MICAL2: variants seen among roughly 807,000 people sequenced by gnomAD.
The protein encoded by MICAL2 is microtubule associated monooxygenase, calponin and LIM domain containing 2.
Under a neutral mutation model 127.3 loss-of-function variants are expected in MICAL2, and 77 were observed. The observed-to-expected ratio is 0.60, with a 90% CI of 0.50 to 0.73. MICAL2 has a LOEUF of 0.73. Among genes scored for constraint, MICAL2 ranks in the 30% least tolerant of loss-of-function variants. MICAL2 has a pLI of 0.00. For synonymous variants in MICAL2, 570 were observed against 551.1 expected, an observed-to-expected ratio of 1.03 and a Z score of -0.48; for missense variants, 1,351 against 1,434.4, an observed-to-expected ratio of 0.94 and a Z score of 0.94.
intron 11 of MICAL2, 135 bp downstream of exon 11, chr11:12,222,878 G>T (rs1299366710): frequency 1.8e-6 from 2 of 1,128,848 alleles, no homozygotes; most frequent in Non-Finnish European, 1.2e-6. Flanking sequence ...CTAATGGTGG[G>T]ACCAGTTCTT....
chr11:12,292,126 T>C (rs1196803511), downstream of MICAL2: 1 of 1,610,672 alleles, frequency 6.2e-7, no homozygotes, highest in South Asian at 1.1e-5. Flanking sequence ...ATGAAGAGTG[T>C]GTTCTTTCCT....
At chr11:12,194,332 C>A (rs191982613) in intron 3 of MICAL2, among the ~76,000 whole-genome samples, 1 of 152,278 alleles carries the variant, frequency 6.6e-6, no homozygotes, top group East Asian at 1.9e-4. Context: ...GATGGATGTT[C>A]GTTGTTGTGA....
downstream of MICAL2, among the ~76,000 whole-genome samples, chr11:12,292,947 T>A (rs1180319658): frequency 6.6e-6 from 1 of 152,102 alleles, no homozygotes; most frequent in Non-Finnish European, 1.5e-5. Flanking sequence ...AGGGCCAAGT[T>A]CCTGCATGCT....
intron 6 of MICAL2, 88 bp from the exon 7 acceptor site, chr11:12,213,167 C>A: frequency 1.4e-6 from 2 of 1,406,762 alleles, no homozygotes; most frequent in Non-Finnish European, 1.9e-6. Flanking sequence ...GCCTGGGAGG[C>A]ATCTGGGAAC....
In MICAL2 at chr11:12,256,887, C is replaced by T; in HGVS notation, c.3058C>T (p.His1020Tyr). The T allele has an allele frequency of 1.2e-6, 2 of 1,614,222 alleles. No homozygotes were observed. The highest frequency in any genetic ancestry group is 1.1e-5 in the South Asian group (1 of 91,090). ...GATGGAACGGCTGAGCGCCGAGGGC[C>T]ACTTCTTCCACCGGGAGTGTTTCCG... ...YVMERLSAEG[H>Y]FFHRECFRCS... The change falls in exon 24 of 28, where the codon CAC (histidine) becomes TAC (tyrosine). Residue 1020 changes from histidine to tyrosine, a missense_variant. Coordinates refer to ENST00000683283, the MANE Select transcript of MICAL2 (RefSeq NM_001282663.2).
chr11:12,229,342 C>T lies in MICAL2; in HGVS notation c.1995+2211C>T, dbSNP rs79903171. ...GATGAGCTGCACCCAGCCTCTCTCC[C>T]ACTCTGAGCCGGCCCAACCTAGAGG... On this transcript the variant is annotated intron_variant, in intron 15 of 27. Transcript: ENST00000683283. Among the ~76,000 whole-genome samples the T allele has an allele frequency of 3.6e-3, 553 of 152,350 alleles. 6 individuals are homozygous for T. The highest frequency in any genetic ancestry group is 0.031 in the Middle Eastern group (9 of 294).
At chr11:12,299,640 T>C (rs570020913) in intron 29 of MICAL2, among the ~76,000 whole-genome samples, 32 of 152,316 alleles carry the variant, frequency 2.1e-4, no homozygotes, top group African/African-American at 6.7e-4. Flanking sequence ...GAACATGCCC[T>C]GAGAACCTTT....
At chr11:12,300,000 A>G (rs569444119) in intron 29 of MICAL2, among the ~76,000 whole-genome samples, 4 of 152,252 alleles carry the variant, frequency 2.6e-5, no homozygotes, top group Non-Finnish European at 5.9e-5. Context: ...GCTGTGTAGA[A>G]TCTAGTCCTC....
At chr11:12,273,916 C>T (rs1257810752), upstream of MICAL2, among the ~76,000 whole-genome samples, 1 of 151,700 alleles carries the variant, frequency 6.6e-6, no homozygotes, top group Non-Finnish European at 1.5e-5. Context: ...GTGGTGGAGG[C>T]ACAGGCAGGA....
chr11:12,231,490 G>A (rs565631211), intron 15 of MICAL2, among the ~76,000 whole-genome samples: 5 of 152,308 alleles, frequency 3.3e-5, no homozygotes, highest in East Asian at 3.9e-4. Flanking sequence ...CCGAAGAGCC[G>A]GGTGGCATTA....
chr11:12,275,336 C>T (rs1863713836), upstream of MICAL2, among the ~76,000 whole-genome samples: 1 of 152,152 alleles, frequency 6.6e-6, no homozygotes, highest in African/African-American at 2.4e-5. Flanking sequence ...AGATAGAAAT[C>T]TGGGGGTCAT....
At chr11:12,336,403 G>A (rs1029199220) in intron 32 of MICAL2, among the ~76,000 whole-genome samples, 3 of 152,148 alleles carry the variant, frequency 2.0e-5, no homozygotes, top group African/African-American at 7.2e-5. Flanking sequence ...CTGCAAACAG[G>A]GAAATTTGAC....
chr11:12,244,292 A>T (rs774042671), intron 21 of MICAL2, among the ~76,000 whole-genome samples, 180 bp downstream of exon 21: 13 of 152,226 alleles, frequency 8.5e-5, no homozygotes, highest in South Asian at 2.1e-4. Flanking sequence ...ACACGGCAGA[A>T]CAGGCAGTGT....
chr11:12,345,418 GA>G (rs1375915781), intron 32 of MICAL2, among the ~76,000 whole-genome samples: 2 of 152,228 alleles, frequency 1.3e-5, no homozygotes, highest in Admixed American at 1.3e-4. Context: ...CAAAGGCTGA[GA>G]AAGGTCCCTA....
At chr11:12,215,276 G>A (rs1247224672) in intron 7 of MICAL2, among the ~76,000 whole-genome samples, 3 of 152,142 alleles carry the variant, frequency 2.0e-5, no homozygotes, top group South Asian at 4.1e-4. Flanking sequence ...TGACAGTCGC[G>A]ACCTTCCTGA....
intron 31 of MICAL2, among the ~76,000 whole-genome samples, chr11:12,325,136 G>A (rs1864340662): frequency 6.6e-6 from 1 of 152,092 alleles, no homozygotes; most frequent in Admixed American, 6.5e-5. Flanking sequence ...TTGAGACAGA[G>A]TCTTGCTGTG....
intron 14 of MICAL2, 149 bp downstream of exon 14, chr11:12,226,519 T>C (rs1857474167): frequency 1.4e-6 from 1 of 700,946 alleles, no homozygotes; most frequent in South Asian, 1.9e-5. Context: ...GTGACTCCAC[T>C]CACCCAGCCC....
intron 1 of MICAL2, among the ~76,000 whole-genome samples, chr11:12,122,830 G>A (rs1416532098): frequency 1.3e-5 from 2 of 152,184 alleles, no homozygotes; most frequent in Admixed American, 6.5e-5. Flanking sequence ...GGAACTGCAG[G>A]TCTGGGAGAG....
chr11:12,340,413 G>A (rs1479712385), intron 32 of MICAL2, among the ~76,000 whole-genome samples: 1 of 152,166 alleles, frequency 6.6e-6, no homozygotes, highest in African/African-American at 2.4e-5. Context: ...GAGGGACAAG[G>A]TGCACTCTTA....
Sources: gnomAD v4.1 joint callset for allele counts (sites outside exome capture counted in the v4.1 genomes callset) on GRCh38, gnomAD v4.1.1 for gene constraint, MANE v1.5 for transcripts, NCBI Gene and HGNC (gene_info 2026-07-23, HGNC 2026-07-21) for gene names.